Variants in TYW1B observed in about 807,000 individuals in gnomAD.
The protein encoded by TYW1B is S-adenosyl-L-methionine-dependent tRNA 4-demethylwyosine synthase TYW1B.
In TYW1B, 73 loss-of-function variants were observed where a neutral mutation model predicts 86.9. The ratio of observed to expected loss-of-function variants is 0.84; its 90% CI spans 0.70 to 1.02. The LOEUF (loss-of-function observed/expected upper bound fraction) is 1.02. Ranked by LOEUF, TYW1B falls within the 50% of genes least tolerant of loss-of-function variation. TYW1B has a pLI of 0.00. For synonymous variants in TYW1B, 248 were observed against 292.8 expected, an observed-to-expected ratio of 0.85 and a Z score of 1.56; for missense variants, 637 against 827.4, an observed-to-expected ratio of 0.77 and a Z score of 2.82.
At chr7:72,607,339 C>A (rs1254769133) in intron 13 of TYW1B, among the ~76,000 whole-genome samples, 1 of 145,082 alleles carries the variant, frequency 6.9e-6, no homozygotes, top group Non-Finnish European at 1.5e-5. Flanking sequence ...TTGCAGTGAG[C>A]CAAGATTGTG....
intron 11 of TYW1B, among the ~76,000 whole-genome samples, chr7:72,651,949 G>T (rs1813069172): frequency 6.6e-6 from 1 of 152,144 alleles, no homozygotes; most frequent in Non-Finnish European, 1.5e-5. Context: ...ATAGGGTCTT[G>T]CTCTGTGGCT....
intron 10 of TYW1B, among the ~76,000 whole-genome samples, chr7:72,699,901 C>T (rs1279053352): frequency 2.0e-5 from 3 of 152,174 alleles, no homozygotes; most frequent in South Asian, 2.1e-4. Context: ...CTGCCTGCCT[C>T]GGCCTCCCAA....
chr7:72,704,505 T>C (rs1461757239), intron 10 of TYW1B, among the ~76,000 whole-genome samples: 1 of 150,286 alleles, frequency 6.7e-6, no homozygotes, highest in Non-Finnish European at 1.5e-5. Context: ...TCCCAGCACT[T>C]TGGGAGGCCA....
chr7:72,723,910 A>G (rs1256313395), intron 9 of TYW1B, among the ~76,000 whole-genome samples: 1 of 151,242 alleles, frequency 6.6e-6, no homozygotes, highest in East Asian at 1.9e-4. Flanking sequence ...TTTTCTTTGA[A>G]GTGTTACAGA....
At chr7:72,731,393 CAAAAAAAAAAAAA>C (rs59262388) in intron 8 of TYW1B, among the ~76,000 whole-genome samples, 1 of 33,046 alleles carries the variant, frequency 3.0e-5, no homozygotes, top group Admixed American at 4.4e-4. Flanking sequence ...TACCAAACTG[CAAAAAAAAAAAAA>C]AAAAAAAAAC....
chr7:72,631,289 G>A (rs1192994297), intron 11 of TYW1B, among the ~76,000 whole-genome samples: 1 of 152,122 alleles, frequency 6.6e-6, no homozygotes, highest in Non-Finnish European at 1.5e-5. Context: ...GAAGTGGGTC[G>A]CTCACTTGAG....
intron 11 of TYW1B, among the ~76,000 whole-genome samples, chr7:72,675,567 A>T (rs1310881579): frequency 1.3e-5 from 2 of 150,016 alleles, no homozygotes; most frequent in African/African-American, 2.5e-5. Context: ...ACACACATAT[A>T]TATATACACA....
intron 11 of TYW1B, among the ~76,000 whole-genome samples, chr7:72,688,196 T>G (rs1554449775): frequency 6.6e-6 from 1 of 152,204 alleles, no homozygotes; most frequent in African/African-American, 2.4e-5. Context: ...TATGAGTCAT[T>G]TTCTTCAATA....
chr7:72,808,344 G>A (rs1554477236), intron 4 of TYW1B, among the ~76,000 whole-genome samples: 1 of 151,980 alleles, frequency 6.6e-6, no homozygotes, highest in African/African-American at 2.4e-5. Flanking sequence ...CAGCTACTCA[G>A]TAGGCTAAGG....
intron 11 of TYW1B, among the ~76,000 whole-genome samples, chr7:72,640,831 T>C (rs200562437): frequency 6.6e-6 from 1 of 152,006 alleles, no homozygotes; most frequent in South Asian, 2.1e-4. Context: ...GCACAGAACA[T>C]ATGAACGACA....
intron 12 of TYW1B, among the ~76,000 whole-genome samples, chr7:72,617,178 G>A (rs1554437089): frequency 6.6e-6 from 1 of 152,162 alleles, no homozygotes; most frequent in African/African-American, 2.4e-5. Flanking sequence ...CACTATAATT[G>A]AGGAATTATG....
At chr7:72,578,541 A>C (rs1274935393) in intron 13 of TYW1B, among the ~76,000 whole-genome samples, 1 of 152,162 alleles carries the variant, frequency 6.6e-6, no homozygotes, top group Non-Finnish European at 1.5e-5. Flanking sequence ...GGACTGCTTC[A>C]CTGTGTATTC....
At chr7:72,809,700 G>A (rs1302192412) in intron 4 of TYW1B, among the ~76,000 whole-genome samples, 1 of 151,830 alleles carries the variant, frequency 6.6e-6, no homozygotes, top group Non-Finnish European at 1.5e-5. Flanking sequence ...GAGTTCACCT[G>A]CATAAAGAGC....
chr7:72,764,165 A>C (rs1286255619), intron 7 of TYW1B, among the ~76,000 whole-genome samples: 1 of 152,176 alleles, frequency 6.6e-6, no homozygotes, highest in Non-Finnish European at 1.5e-5. Context: ...ATTTCATCGG[A>C]TCTTAACCAT....
chr7:72,701,078 AG>A (rs1554452474), intron 10 of TYW1B, among the ~76,000 whole-genome samples: 1 of 151,828 alleles, frequency 6.6e-6, no homozygotes, highest in African/African-American at 2.4e-5. Flanking sequence ...AAAAAAAAAA[AG>A]AAAAGAAAAT....
chr7:72,726,268 A>C (rs782294331), intron 9 of TYW1B, among the ~76,000 whole-genome samples: 3 of 152,212 alleles, frequency 2.0e-5, no homozygotes, highest in African/African-American at 4.8e-5. Flanking sequence ...AAATGTACAA[A>C]AAAAAGTCAG....
At chr7:72,661,006 G>A (rs2960908) in intron 11 of TYW1B, among the ~76,000 whole-genome samples, 83,510 of 143,970 alleles carry the variant, frequency 0.58, 25,494 homozygotes, top group Non-Finnish European at 0.68. Flanking sequence ...GTGGTGGCAC[G>A]CACCTTTAAT....
At chr7:72,731,393 C>CAAAAAAAA (rs59262388) in intron 8 of TYW1B, among the ~76,000 whole-genome samples, 64 of 32,998 alleles carry the variant, frequency 1.9e-3, no homozygotes, top group Non-Finnish European at 2.2e-3. Context: ...TACCAAACTG[C>CAAAAAAAA]AAAAAAAAAA....
chr7:72,644,826 C>CTTTTT (rs371295909), intron 11 of TYW1B, among the ~76,000 whole-genome samples: 3 of 119,614 alleles, frequency 2.5e-5, no homozygotes, highest in African/African-American at 6.6e-5. Context: ...CATGACTTTC[C>CTTTTT]TTTTTTTTTT....
Sources: gnomAD v4.1 joint callset for allele counts (sites outside exome capture counted in the v4.1 genomes callset) on GRCh38, gnomAD v4.1.1 for gene constraint, MANE v1.5 for transcripts, NCBI Gene and HGNC (gene_info 2026-07-23, HGNC 2026-07-21) for gene names.